ZFP28: variants seen among roughly 807,000 people sequenced by gnomAD.
ZFP28 encodes zinc finger protein 28 homolog.
Under a neutral mutation model 39.5 loss-of-function variants are expected in ZFP28, and 31 were observed. The ratio of observed to expected loss-of-function variants is 0.79; its 90% confidence interval spans 0.59 to 1.06. The LOEUF (loss-of-function observed/expected upper bound fraction) is 1.06. ZFP28 is among the 50% of genes least tolerant of loss of function. The pLI is 0.00. For missense variants in ZFP28, 925 were observed against 1,048.4 expected, an observed-to-expected ratio of 0.88 and a Z score of 1.63; for synonymous variants, 400 against 378.6, an observed-to-expected ratio of 1.06 and a Z score of -0.66.
rs201205029 is a variant in ZFP28, at chr19:56,554,004, G to C, written c.1219G>C (p.Val407Leu). The change falls in exon 8 of 8, where the codon GTA (valine) becomes CTA (leucine). Residue 407 changes from valine (V) to leucine (L), a missense_variant. This residue lies in a region of ZFP28 where 556 missense variants were observed against 542.9 expected (regional missense o/e 1.02). Transcript: ENST00000301318. This position sits in a 1 kb window ranked among gnomAD's most constrained non-coding sequence, Gnocchi z 6.7. ...TAAAAATTTTCAAAAAAGTTCAGTG[G>C]TAATAAAACAAACAGGCATCTATGC... ...SIKNFQKSSVVIKQTGIYAGK... is the reference protein window; with the variant it reads ...SIKNFQKSSVLIKQTGIYAGK... 1 of 1,611,742 alleles carries C rather than the reference G, an allele frequency of 6.2e-7. No homozygotes were observed. The highest frequency in any genetic ancestry group is 1.7e-5 in the Admixed American group (1 of 59,480).
Position 56,539,027 on chromosome 19 carries a change from G to T in ZFP28, c.9G>T (p.Gly3=), listed in dbSNP as rs968237714. 74 of 1,435,328 alleles carry T rather than the reference G, an allele frequency of 5.2e-5. No homozygotes were observed. In the African/African-American group the frequency reaches 1.0e-3, roughly 20 times the overall value. The allele number at this position is 1,435,328 out of a possible 1,614,324, so 88.9% of individuals were successfully genotyped here. A position where few individuals can be genotyped will look rare whatever the true frequency, so the allele number is the denominator to read the frequency against. ...GCGCGGCCTCGGGTGACATGCGGGG[G>T]GCGGCGAGCGCGAGTGTCCGCGAGC... MR[G]AASASVREPT... is the part of the protein sequence containing the mutation. The change falls in exon 1 of 8, where the codon GGG becomes GGT. Residue 3 remains glycine, a synonymous_variant. Coordinates refer to ENST00000301318, the MANE Select transcript of ZFP28 (RefSeq NM_020828.2).
In ZFP28 at chr19:56,542,857, C is replaced by T. The variant is rs546801333; in HGVS notation, c.300+3141C>T. Reference sequence around the variant, plus strand: ...CATAGATAATTGCAGCCTCAAACTCCGGGCCTCAAGCAATCCTCCCACCTT... The same window carrying T: ...CATAGATAATTGCAGCCTCAAACTCTGGGCCTCAAGCAATCCTCCCACCTT... On this transcript the variant is annotated intron_variant, in intron 2 of 7. Transcript: ENST00000301318. 2.6e-5 allele frequency among the ~76,000 whole-genome samples: 4 copies of T among 152,186 alleles called. No individual in the cohort carries two copies. The South Asian group carries it at 8.3e-4, about 32-fold the overall frequency.
intron 2 of ZFP28, among the ~76,000 whole-genome samples, 185 bp downstream of exon 2, chr19:56,539,901 G>A (rs1568483355): frequency 6.6e-6 from 1 of 152,220 alleles, no homozygotes; most frequent in Non-Finnish European, 1.5e-5. Context: ...CTCGATGCCT[G>A]CTTCTTCTTC....
At position 56,556,615 on chromosome 19, in the gene ZFP28, C is replaced by T. The variant is rs2044353810; in HGVS notation, c.*1223C>T. 6.6e-6 allele frequency: 1 copy of T among 152,066 alleles called. No individual in the cohort carries two copies. The highest frequency in any genetic ancestry group is 2.4e-5 in the African/African-American group (1 of 41,396). The allele number at this position is 152,066 out of a possible 1,614,324, so 9.4% of individuals were successfully genotyped here. ...TCCTATCCTTTAACAGAAAGTTTGC[C>T]AACCTCTGCTCTAGAGTAGAGAAAA... On this transcript the variant is annotated 3_prime_UTR_variant, in exon 8 of 8. Transcript: ENST00000301318.
At position 56,539,647 on chromosome 19, in the gene ZFP28, T is replaced by C. The variant is rs761526729; in HGVS notation, c.231T>C (p.Ala77=). ...CAGCTCTGCCTTCCAGGGACACTGCTCTTCCCCAGGAGAGAAACAAGAAGC... is the reference window on the plus strand; with the variant it reads ...CAGCTCTGCCTTCCAGGGACACTGCCCTTCCCCAGGAGAGAAACAAGAAGC... ...GHRALPSRDT[A]LPQERNKKLE... The change falls in exon 2 of 8, where the codon GCT becomes GCC. Residue 77 remains alanine, a synonymous_variant. Transcript: ENST00000301318. 6.2e-7 allele frequency: 1 copy of C among 1,614,098 alleles called. No individual in the cohort carries two copies. Among genetic ancestry groups the C allele is most frequent in the Non-Finnish European group, 8.5e-7 (1 of 1,179,994 alleles).
chr19:56,538,530 C>T (rs1352149192), upstream of ZFP28: 1 of 152,640 alleles, frequency 6.6e-6, no homozygotes, highest in Non-Finnish European at 1.5e-5. Flanking sequence ...CGTTGGCCAC[C>T]ACTTATGCGG....
intron 2 of ZFP28, among the ~76,000 whole-genome samples, chr19:56,543,204 A>G (rs1411417043): frequency 6.6e-6 from 1 of 151,486 alleles, no homozygotes; most frequent in Admixed American, 6.6e-5. Flanking sequence ...AAAGTACTTC[A>G]TATTCATTCT....
At position 56,554,581 on chromosome 19, in the gene ZFP28, G is replaced by C. The variant is rs755285406; in HGVS notation, c.1796G>C (p.Arg599Thr). The C allele has an allele frequency of 6.2e-7, 1 of 1,614,146 alleles. No individual in the cohort carries two copies. The highest frequency in any genetic ancestry group is 8.5e-7 in the Non-Finnish European group (1 of 1,180,026). Reference protein sequence around the residue: ...FKCKECGKAFRQNIHLASHLR... With the variant: ...FKCKECGKAFTQNIHLASHLR... ...TGTAAAGAGTGCGGAAAAGCTTTTAGGCAGAATATACACCTTGCCAGTCAT... is the reference window on the plus strand; with the variant it reads ...TGTAAAGAGTGCGGAAAAGCTTTTACGCAGAATATACACCTTGCCAGTCAT... Residue 599 changes from arginine to threonine, a missense_variant, in exon 8 of 8, where the codon AGG becomes ACG. Around this residue, in one of 2 missense-constraint regions of ZFP28, gnomAD observed 369 missense variants for 505.5 expected, o/e 0.73. Coordinates refer to ENST00000301318, the MANE Select transcript of ZFP28 (RefSeq NM_020828.2). This position sits in a 1 kb window ranked among gnomAD's most constrained non-coding sequence, Gnocchi z 6.7.
rs1426369258 is a variant in ZFP28, at chr19:56,550,601, C to G, written c.894C>G (p.Phe298Leu). The G allele has an allele frequency of 1.9e-6, 3 of 1,613,930 alleles. No homozygotes were observed. Among genetic ancestry groups the G allele is most frequent in the Non-Finnish European group, 2.5e-6 (3 of 1,180,002 alleles). The change falls in exon 7 of 8, where the codon TTC (phenylalanine) becomes TTG (leucine). Residue 298 changes from phenylalanine (F) to leucine (L), a missense_variant. By Grantham distance (22) the Phe-to-Leu change is conservative. This residue lies in a region of ZFP28 where 556 missense variants were observed against 542.9 expected (regional missense o/e 1.02). Coordinates refer to ENST00000301318, the MANE Select transcript of ZFP28 (RefSeq NM_020828.2). ...MVKRELTGSLFSGQRSVHETQ... is the reference protein window; with the variant it reads ...MVKRELTGSLLSGQRSVHETQ... ...AGCGAGAGCTGACAGGAAGCCTGTT[C>G]TCAGGTGAGTGCAGGAGAGCCTGGT...
At chr19:56,541,740 T>C (rs2044196870) in intron 2 of ZFP28, among the ~76,000 whole-genome samples, 1 of 152,068 alleles carries the variant, frequency 6.6e-6, no homozygotes, top group Non-Finnish European at 1.5e-5. Context: ...TTTTAGTACT[T>C]TTCTTTTGAG....
upstream of ZFP28, among the ~76,000 whole-genome samples, chr19:56,538,761 A>T (rs181536369): frequency 0.77 from 96,372 of 124,902 alleles, 37,525 homozygotes; most frequent in African/African-American, 0.9. Context: ...GGGCTTCTCT[A>T]GGCTGAGGGG....
In ZFP28 at chr19:56,539,211, G is replaced by C. The variant is rs1157908670; in HGVS notation, c.193G>C (p.Gly65Arg). 2.5e-6 allele frequency: 4 copies of C among 1,596,360 alleles called. No homozygotes were observed. The highest frequency in any genetic ancestry group is 3.4e-6 in the Non-Finnish European group (4 of 1,175,964). ...AGGCCAGCGAGGAGCGGCCCCTACG[G>C]GGCCTGGGCACAGAGGTGAGAGTGA... Reference protein sequence around the residue: ...SKGQRGAAPTGPGHRALPSRD... With the variant: ...SKGQRGAAPTRPGHRALPSRD... Residue 65 changes from glycine to arginine, a missense_variant, in exon 1 of 8, where the codon GGG becomes CGG. Gly to Arg is a moderately radical substitution (Grantham distance 125). Coordinates refer to ENST00000301318, the MANE Select transcript of ZFP28 (RefSeq NM_020828.2).
In ZFP28 at chr19:56,547,408, T is replaced by A; in HGVS notation, c.301-100T>A. On this transcript the variant is annotated intron_variant, in intron 2 of 7. Coordinates refer to ENST00000301318, the MANE Select transcript of ZFP28 (RefSeq NM_020828.2). This position sits in a 1 kb window ranked among gnomAD's most constrained non-coding sequence, Gnocchi z 4.6. ...AGTACTGGGGATTAGGAGTTTAATG[T>A]AGGAGTTTTGTCAGGGGACACATTT... 4 of 1,546,072 alleles carry A rather than the reference T, an allele frequency of 2.6e-6. No homozygotes were observed. Among genetic ancestry groups the A allele is most frequent in the Non-Finnish European group, 3.5e-6 (4 of 1,128,144 alleles).
chr19:56,544,634 C>G (rs1346500092), intron 2 of ZFP28: 3 of 152,172 alleles, frequency 2.0e-5, no homozygotes, highest in Non-Finnish European at 4.4e-5. Flanking sequence ...TGTCTGTGAT[C>G]CTGGGCACAT....
chr19:56,550,375 TTG>T (rs1436780782), intron 6 of ZFP28, 133 bp from the exon 7 acceptor site: 1 of 895,754 alleles, frequency 1.1e-6, no homozygotes, highest in Non-Finnish European at 1.7e-6. Flanking sequence ...CGTTATCTTC[TTG>T]TGTCTTTCAG....
Position 56,550,615 on chromosome 19 carries a change from G to A in ZFP28, c.898+10G>A. The A allele has an allele frequency of 6.2e-7, 1 of 1,613,998 alleles. No homozygotes were observed. Among genetic ancestry groups the A allele is most frequent in the Non-Finnish European group, 8.5e-7 (1 of 1,179,890 alleles). Reference sequence around the variant, plus strand: ...GGAAGCCTGTTCTCAGGTGAGTGCAGGAGAGCCTGGTGTGGAAAATCTACT... The same window carrying A: ...GGAAGCCTGTTCTCAGGTGAGTGCAAGAGAGCCTGGTGTGGAAAATCTACT... On this transcript the variant is annotated intron_variant, in intron 7 of 7. Coordinates refer to ENST00000301318, the MANE Select transcript of ZFP28 (RefSeq NM_020828.2).
rs1365234138 is a variant in ZFP28 at position 56,539,199 on chromosome 19, G to A, written c.181G>A (p.Ala61Thr). ...CCTCGCATCCAAAGGCCAGCGAGGA[G>A]CGGCCCCTACGGGGCCTGGGCACAG... is the stretch of plus-strand genomic sequence containing the variant. Reference protein sequence around the residue: ...NGLASKGQRGAAPTGPGHRAL... With the variant: ...NGLASKGQRGTAPTGPGHRAL... Residue 61 changes from alanine to threonine, a missense_variant, in exon 1 of 8, where the codon GCG becomes ACG. Around this residue, in one of 2 missense-constraint regions of ZFP28, gnomAD observed 556 missense variants for 542.9 expected, o/e 1.02. Coordinates refer to ENST00000301318, the MANE Select transcript of ZFP28 (RefSeq NM_020828.2). The A allele has an allele frequency of 1.9e-6, 3 of 1,600,402 alleles. No homozygotes were observed. In the African/African-American group the frequency reaches 4.0e-5, roughly 21 times the overall value.
chr19:56,541,926 C>A (rs1475439002), intron 2 of ZFP28, among the ~76,000 whole-genome samples: 1 of 122,798 alleles, frequency 8.1e-6, no homozygotes, highest in African/African-American at 3.3e-5. Context: ...AGGGTTTCAC[C>A]ATGTTGGCCA....
intron 6 of ZFP28, 43 bp downstream of exon 6, chr19:56,550,224 C>T: frequency 6.5e-7 from 1 of 1,535,246 alleles, no homozygotes; most frequent in Non-Finnish European, 8.9e-7. Flanking sequence ...TCGTCGGGTA[C>T]CTCCATTTCC....
Sources: allele counts gnomAD v4.1 joint callset (sites outside exome capture counted in the v4.1 genomes callset), GRCh38; gene constraint gnomAD v4.1.1; regional missense constraint gnomAD v4.1.1; non-coding constraint Gnocchi (gnomAD v3.1); transcripts MANE v1.5; gene names NCBI Gene and HGNC (gene_info 2026-07-23, HGNC 2026-07-21).